The following HERC2 variants were observed in gnomAD, a reference collection of about 807,000 sequenced individuals.
HERC2 encodes the protein E3 ubiquitin-protein ligase HERC2.
In HERC2, 102 loss-of-function variants were observed where a neutral mutation model predicts 537.7. The observed-to-expected ratio is 0.19, with a 90% confidence interval of 0.16 to 0.22. The LOEUF is 0.22. Ranked by LOEUF, HERC2 falls within the 10% of genes least tolerant of loss-of-function variation. The pLI is 1.00. For missense variants in HERC2, 4,236 were observed against 6,198.2 expected, an observed-to-expected ratio of 0.68 and a Z score of 10.63; for synonymous variants, 2,224 against 2,466.2, an observed-to-expected ratio of 0.90 and a Z score of 2.91.
chr15:28,141,410 G>A (rs201488556), intron 78 of HERC2, 22 bp downstream of exon 78: 41 of 1,610,876 alleles, frequency 2.5e-5, no homozygotes, highest in Non-Finnish European at 2.5e-6. Flanking sequence ...ATGACCTTGT[G>A]ACATAGAAAA....
chr15:28,115,140 C>T (rs944694899), intron 89 of HERC2: 6 of 513,090 alleles, frequency 1.2e-5, no homozygotes, highest in South Asian at 3.2e-5. Flanking sequence ...CAGAGCCTCC[C>T]GTGCAAGCCT....
intron 71 of HERC2, among the ~76,000 whole-genome samples, chr15:28,145,903 A>G (rs1170699182): frequency 1.3e-5 from 2 of 152,186 alleles, no homozygotes; most frequent in East Asian, 3.9e-4. Flanking sequence ...AGCCAGTAAG[A>G]AACAAACCTT....
intron 3 of HERC2, among the ~76,000 whole-genome samples, chr15:28,295,312 G>GTT (rs1567131892): frequency 7.2e-6 from 1 of 138,950 alleles, no homozygotes; most frequent in African/African-American, 2.6e-5. Flanking sequence ...TGTGTGTGGG[G>GTT]GGGGGGGAGT....
At chr15:28,317,062 A>C (rs1430109992) in intron 2 of HERC2, among the ~76,000 whole-genome samples, 1 of 151,762 alleles carries the variant, frequency 6.6e-6, no homozygotes, top group African/African-American at 2.4e-5. Context: ...CCAGCCATGT[A>C]GCCATCTACT....
intron 69 of HERC2, among the ~76,000 whole-genome samples, chr15:28,156,670 C>T (rs910719563): frequency 6.6e-6 from 1 of 152,190 alleles, no homozygotes; most frequent in Non-Finnish European, 1.5e-5. Context: ...ATGGGGTTTT[C>T]TAGATATACA....
rs1255929183 is a variant in HERC2 at position 28,280,142 on chromosome 15, T to A, written c.468A>T (p.Arg156Ser). The change falls in exon 5 of 93, where the codon AGA (arginine) becomes AGT (serine). Residue 156 changes from arginine (R) to serine (S), a missense_variant. By Grantham distance (110) the Arg-to-Ser change is moderately radical. Coordinates refer to ENST00000261609, the MANE Select transcript of HERC2 (RefSeq NM_004667.6). ...ILERYFIALN[R>S]TVFQENVKVK... ...CTTTGACATTCTCCTGAAAAACGGT[T>A]CTATTCAAGGCAATGAAATAGCGCT... The A allele has an allele frequency of 6.2e-7, 1 of 1,614,194 alleles. No individual in the cohort carries two copies. The highest frequency in any genetic ancestry group is 1.7e-5 in the Admixed American group (1 of 60,022).
intron 22 of HERC2, 53 bp downstream of exon 22, chr15:28,246,689 C>T (rs994191222): frequency 3.9e-6 from 5 of 1,287,910 alleles, no homozygotes; most frequent in African/African-American, 3.1e-5. Flanking sequence ...GACACTTTAG[C>T]TTTCATCTAT....
chr15:28,164,553 G>T (rs753184102), intron 68 of HERC2, among the ~76,000 whole-genome samples: 2 of 151,832 alleles, frequency 1.3e-5, no homozygotes, highest in Non-Finnish European at 2.9e-5. Flanking sequence ...TTTTATGAGG[G>T]TGTCTTAAAA....
At chr15:28,278,881 T>C (rs1331268424) in intron 5 of HERC2, among the ~76,000 whole-genome samples, 2 of 152,224 alleles carry the variant, frequency 1.3e-5, no homozygotes, top group African/African-American at 4.8e-5. Flanking sequence ...TAGCTTCATT[T>C]TGGAAAAGTA....
intron 3 of HERC2, among the ~76,000 whole-genome samples, chr15:28,296,677 A>G (rs902601475): frequency 9.8e-5 from 13 of 132,756 alleles, no homozygotes; most frequent in Non-Finnish European, 1.7e-4. Context: ...TACAGAATGA[A>G]TTACTGATAC....
At chr15:28,291,807 AGGCAGGAGAAT>A (rs1226272220) in intron 4 of HERC2, among the ~76,000 whole-genome samples, 4 of 146,678 alleles carry the variant, frequency 2.7e-5, no homozygotes, top group African/African-American at 1.0e-4. Flanking sequence ...CGGAAGGCTG[AGGCAGGAGAAT>A]GGCATGAACC....
chr15:28,131,106 T>C (rs1444485058), intron 81 of HERC2, among the ~76,000 whole-genome samples: 1 of 152,202 alleles, frequency 6.6e-6, no homozygotes. Flanking sequence ...CCTCTGTGAT[T>C]GCTCTCATAT....
At chr15:28,270,895 C>A in intron 9 of HERC2, 27 bp from the exon 10 acceptor site, 1 of 1,602,508 alleles carries the variant, frequency 6.2e-7, no homozygotes, top group Non-Finnish European at 8.5e-7. Flanking sequence ...AACAAAAATT[C>A]AGAAATGGTG....
intron 2 of HERC2, among the ~76,000 whole-genome samples, chr15:28,307,596 C>A (rs1047516481): frequency 2.0e-5 from 3 of 152,236 alleles, no homozygotes; most frequent in Admixed American, 2.0e-4. Context: ...AATTTCTTCA[C>A]TGACCTGTTG....
chr15:28,308,552 G>C (rs1457195208), intron 2 of HERC2, among the ~76,000 whole-genome samples: 1 of 151,944 alleles, frequency 6.6e-6, no homozygotes, highest in Non-Finnish European at 1.5e-5. Flanking sequence ...TCTTTCTCTT[G>C]TCTGATTGCT....
At position 28,300,313 on chromosome 15, in the gene HERC2, C is replaced by T. The variant is rs188097422; in HGVS notation, c.73-797G>A. On this transcript the variant is annotated intron_variant, in intron 2 of 92. Coordinates refer to ENST00000261609, the MANE Select transcript of HERC2 (RefSeq NM_004667.6). ...AATCATAAAAAAGCGAAACCTACAA[C>T]TGGCAACAAGCAAATTAACCCATGC... Among the ~76,000 whole-genome samples the T allele has an allele frequency of 1.5e-3, 220 of 149,680 alleles. 4 individuals carry two copies. The highest frequency in any genetic ancestry group is 5.3e-3 in the African/African-American group (207 of 39,360).
At chr15:28,278,307 C>T (rs900942049) in intron 5 of HERC2, among the ~76,000 whole-genome samples, 2 of 151,984 alleles carry the variant, frequency 1.3e-5, no homozygotes, top group East Asian at 1.9e-4. Flanking sequence ...CACTTGAGCC[C>T]AGGAGGTCAA....
rs544921302 is a variant in HERC2, at chr15:28,209,860, A to G, written c.7069+1142T>C. On this transcript the variant is annotated intron_variant, in intron 44 of 92. Coordinates refer to ENST00000261609, the MANE Select transcript of HERC2 (RefSeq NM_004667.6). Reference sequence around the variant, plus strand: ...CTGTATGGATACACAACATAAGAATAGGTATTTTGGTGTCTACAGTTTTTC... The same window carrying G: ...CTGTATGGATACACAACATAAGAATGGGTATTTTGGTGTCTACAGTTTTTC... Among the ~76,000 whole-genome samples the G allele has an allele frequency of 4.0e-4, 60 of 150,594 alleles. 1 individual carries two copies. The highest frequency in any genetic ancestry group is 1.5e-3 in the South Asian group (7 of 4,614).
Position 28,111,604 on chromosome 15 carries a change from C to T in HERC2, c.*159G>A, listed in dbSNP as rs1316757391. The T allele has an allele frequency of 1.4e-6, 1 of 718,342 alleles. No homozygotes were observed. The highest frequency in any genetic ancestry group is 1.8e-5 in the African/African-American group (1 of 56,184). The allele number at this position is 718,342 out of a possible 1,614,324, so 44.5% of individuals were successfully genotyped here. A position where few individuals can be genotyped will look rare whatever the true frequency, so the allele number is the denominator to read the frequency against. ...GCGCACAGGCGGACCTTCTCACTGTCATTCCCATCACGGCCAGTCAGTCTC... is the reference window on the plus strand; with the variant it reads ...GCGCACAGGCGGACCTTCTCACTGTTATTCCCATCACGGCCAGTCAGTCTC... On this transcript the variant is annotated 3_prime_UTR_variant, in exon 93 of 93. Transcript: ENST00000261609.
Sources: allele counts gnomAD v4.1 joint callset (sites outside exome capture counted in the v4.1 genomes callset), GRCh38; gene constraint gnomAD v4.1.1; transcripts MANE v1.5; gene names NCBI Gene and HGNC (gene_info 2026-07-23, HGNC 2026-07-21).